The following PHF20L1 variants were observed in gnomAD, a reference collection of about 807,000 sequenced individuals.
PHF20L1 encodes the protein PHD finger protein 20-like protein 1.
A neutral mutation model predicts 125.5 loss-of-function variants in PHF20L1; 44 were observed. The observed-to-expected ratio is 0.35, with a 90% CI of 0.28 to 0.45. PHF20L1 has a LOEUF of 0.45. PHF20L1 is among the 20% of genes least tolerant of loss of function. The pLI is 1.00. For synonymous variants in PHF20L1, 380 were observed against 403.1 expected (o/e 0.94, Z 0.69); for missense variants, 1,012 against 1,217.2 (o/e 0.83, Z 2.51).
At chr8:132,822,378 C>G (rs1835702748) in intron 12 of PHF20L1, among the ~76,000 whole-genome samples, 3 of 151,902 alleles carry the variant, frequency 2.0e-5, no homozygotes, top group Admixed American at 2.0e-4. Flanking sequence ...CTCCCTGTCC[C>G]CACTCCAGGA....
intron 6 of PHF20L1, among the ~76,000 whole-genome samples, chr8:132,801,267 A>G (rs181851045): frequency 1.3e-4 from 20 of 151,824 alleles, no homozygotes; most frequent in African/African-American, 4.8e-4. Flanking sequence ...GTCCTTTGCT[A>G]TTAATATTTA....
chr8:132,819,347 A>T (rs1310356598), intron 12 of PHF20L1, among the ~76,000 whole-genome samples: 1 of 151,934 alleles, frequency 6.6e-6, no homozygotes, highest in African/African-American at 2.4e-5. Context: ...GGAAATGCAT[A>T]GTTTTAATTG....
intron 6 of PHF20L1, among the ~76,000 whole-genome samples, chr8:132,801,318 A>G (rs1037649436): frequency 1.3e-4 from 19 of 151,734 alleles, no homozygotes; most frequent in African/African-American, 4.1e-4. Context: ...GGATTCTCAT[A>G]GTAGATCCTT....
rs1324793582 is a variant in PHF20L1 at position 132,809,357 on chromosome 8, G to A, written c.848-1689G>A. The A allele has an allele frequency of 3.9e-5, 6 of 152,042 alleles. 1 individual carries two copies. The highest frequency in any genetic ancestry group is 1.5e-4 in the African/African-American group (6 of 41,370). 9.4% of individuals were successfully genotyped at this position (152,042 alleles called of 1,614,324 possible). The stretch of plus-strand genomic sequence containing the variant: ...AATTTTTGTATTTTTAGTAGAGATG[G>A]TGTTTCACCGTGTTGGCCAGGCTGG... On this transcript the variant is annotated intron_variant, in intron 8 of 20. Coordinates refer to ENST00000395386, the MANE Select transcript of PHF20L1 (RefSeq NM_016018.5).
intron 8 of PHF20L1, 127 bp from the exon 9 acceptor site, chr8:132,810,919 C>T (rs575067069): frequency 8.9e-6 from 6 of 671,960 alleles, no homozygotes; most frequent in South Asian, 8.3e-5. Context: ...GAAAAGAAAA[C>T]ATTTGAGATT....
chr8:132,843,847 C>T (rs1240973534), intron 19 of PHF20L1: 1 of 985,046 alleles, frequency 1.0e-6, no homozygotes, highest in African/African-American at 1.7e-5. Context: ...AGAGGCCAGT[C>T]TAAATTAATC....
chr8:132,841,927 C>A (rs1837976616), intron 18 of PHF20L1: 1 of 152,232 alleles, frequency 6.6e-6, no homozygotes, highest in South Asian at 2.1e-4. Flanking sequence ...TAAGGGAAAT[C>A]TATCTGTATG....
intron 9 of PHF20L1, 65 bp from the exon 10 acceptor site, chr8:132,814,572 A>G (rs929975566): frequency 4.4e-5 from 52 of 1,169,368 alleles, no homozygotes; most frequent in Non-Finnish European, 6.1e-5. Flanking sequence ...AACAGTCAAA[A>G]TAGAATACAA....
intron 9 of PHF20L1, among the ~76,000 whole-genome samples, chr8:132,813,502 G>A (rs1250838430): frequency 6.6e-6 from 1 of 151,852 alleles, no homozygotes; most frequent in African/African-American, 2.4e-5. Context: ...TTAGTCCCCA[G>A]AAAATGATCG....
At chr8:132,783,555 A>G (rs1227729751) in intron 2 of PHF20L1, among the ~76,000 whole-genome samples, 1 of 152,160 alleles carries the variant, frequency 6.6e-6, no homozygotes, top group African/African-American at 2.4e-5. Context: ...ATCTATATTT[A>G]GAGTAGGAGA....
chr8:132,810,903 A>T (rs931995454), intron 8 of PHF20L1, 143 bp from the exon 9 acceptor site: 1 of 625,768 alleles, frequency 1.6e-6, no homozygotes, highest in African/African-American at 1.8e-5. Context: ...GCATATTTGT[A>T]TTTTTGAAAA....
rs1375962291 is a variant in PHF20L1, at chr8:132,839,943, C to G, written c.2387+361C>G. Among the ~76,000 whole-genome samples the G allele has an allele frequency of 2.0e-5, 3 of 152,014 alleles. No homozygotes were observed. The East Asian group carries it at 5.8e-4, about 29-fold the overall frequency. On this transcript the variant is annotated intron_variant, in intron 18 of 20. Transcript: ENST00000395386. ...GGAATGCTATCAAATGAAATAGATTCTAAGCAGGGTGAGTATTTTTTTTTA... is the reference window on the plus strand; with the variant it reads ...GGAATGCTATCAAATGAAATAGATTGTAAGCAGGGTGAGTATTTTTTTTTA...
At position 132,836,735 on chromosome 8, in the gene PHF20L1, C is replaced by G. The variant is rs760234110; in HGVS notation, c.2091+14C>G. On this transcript the variant is annotated intron_variant, in intron 16 of 20. Coordinates refer to ENST00000395386, the MANE Select transcript of PHF20L1 (RefSeq NM_016018.5). ...TTCATGATCCAGGTAATTGGTTAAC[C>G]TCTCTTCCCTATAATGAGTTAGTTG... 6.9e-6 allele frequency: 11 copies of G among 1,589,338 alleles called. No homozygotes were observed. The South Asian group carries it at 1.2e-4, about 18-fold the overall frequency.
intron 12 of PHF20L1, chr8:132,818,053 A>G (rs1835170256): frequency 6.6e-6 from 1 of 152,102 alleles, no homozygotes; most frequent in African/African-American, 2.4e-5. Context: ...ATGTAAAATC[A>G]GCCATCCTTA....
intron 12 of PHF20L1, among the ~76,000 whole-genome samples, chr8:132,822,284 G>C (rs1835691630): frequency 6.6e-6 from 1 of 151,868 alleles, no homozygotes; most frequent in Admixed American, 6.6e-5. Context: ...GTTCATAACT[G>C]TTTTATTTGT....
At position 132,814,765 on chromosome 8, in the gene PHF20L1, A is replaced by G; in HGVS notation, c.1059A>G (p.Lys353=). 1 of 1,613,120 alleles carries G rather than the reference A, an allele frequency of 6.2e-7. No individual in the cohort carries two copies. Among genetic ancestry groups the G allele is most frequent in the Non-Finnish European group, 8.5e-7 (1 of 1,179,326 alleles). Residue 353 remains lysine (K), a synonymous_variant, in exon 10 of 21, where the codon AAA becomes AAG. Coordinates refer to ENST00000395386, the MANE Select transcript of PHF20L1 (RefSeq NM_016018.5). ...SSGKARSKKC[K]HESGDSSGCI... is the part of the protein sequence containing the mutation. ...GGAAGGCTCGCAGCAAGAAATGCAA[A>G]CATGAATCTGGAGATTCTTCTGGGT... is the stretch of plus-strand genomic sequence containing the variant.
intron 2 of PHF20L1, among the ~76,000 whole-genome samples, chr8:132,786,632 T>C (rs1283541137): frequency 6.6e-6 from 1 of 152,160 alleles, no homozygotes; most frequent in Non-Finnish European, 1.5e-5. Context: ...ATGGTCTTTA[T>C]GGACAGGAAT....
In PHF20L1 at chr8:132,803,955, A is replaced by T; in HGVS notation, c.644A>T (p.Lys215Met). The stretch of plus-strand genomic sequence containing the variant: ...AAGTGGTTTAAAGTACCTTCAAAGA[A>T]GGAGGAAACTTCAACTTGTATAGCC... ...ERKWFKVPSK[K>M]EETSTCIATP... Residue 215 changes from lysine (K) to methionine (M), a missense_variant, in exon 7 of 21, where the codon AAG becomes ATG. This residue lies in a region of PHF20L1 where 134 missense variants were observed against 145.9 expected (regional missense o/e 0.92). Transcript: ENST00000395386. 6.2e-7 allele frequency: 1 copy of T among 1,612,326 alleles called. No individual in the cohort carries two copies. The highest frequency in any genetic ancestry group is 8.5e-7 in the Non-Finnish European group (1 of 1,178,694).
intron 9 of PHF20L1, chr8:132,812,685 T>C (rs1226219022): frequency 1.0e-6 from 1 of 984,900 alleles, no homozygotes; most frequent in Admixed American, 6.2e-5. Context: ...ATTTTTATCC[T>C]ATGTGTTAGC....
Sources: allele counts gnomAD v4.1 joint callset (sites outside exome capture counted in the v4.1 genomes callset), GRCh38; gene constraint gnomAD v4.1.1; regional missense constraint gnomAD v4.1.1; transcripts MANE v1.5; gene names NCBI Gene and HGNC (gene_info 2026-07-23, HGNC 2026-07-21).